The following LIMCH1 variants were observed in gnomAD, a reference collection of about 807,000 sequenced individuals.
LIMCH1 encodes LIM and calponin homology domains-containing protein 1.
LIMCH1 carries 113 observed loss-of-function variants against 176.5 expected under a neutral mutation model. The observed-to-expected ratio is 0.64, with a 90% confidence interval of 0.55 to 0.75. LIMCH1 has a LOEUF of 0.75. LIMCH1 is among the 30% of genes least tolerant of loss of function. The pLI, the probability that LIMCH1 is intolerant of heterozygous loss-of-function variation, is 0.00. For synonymous variants in LIMCH1, 619 were observed against 645.9 expected, an observed-to-expected ratio of 0.96 and a Z score of 0.63; for missense variants, 1,674 against 1,814.9, an observed-to-expected ratio of 0.92 and a Z score of 1.41.
At chr4:41,652,470 A>G (rs1198123806) in intron 18 of LIMCH1, among the ~76,000 whole-genome samples, 1 of 152,164 alleles carries the variant, frequency 6.6e-6, no homozygotes, top group African/African-American at 2.4e-5. Flanking sequence ...CATACGTCTT[A>G]CCTCTGCTAG....
chr4:41,694,282 G>A (rs1728687437), intron 31 of LIMCH1, among the ~76,000 whole-genome samples: 1 of 152,114 alleles, frequency 6.6e-6, no homozygotes, highest in Non-Finnish European at 1.5e-5. Flanking sequence ...TAGAAAAATT[G>A]AATTGTTCAG....
At chr4:41,636,897 A>C (rs1283958498) in intron 13 of LIMCH1, among the ~76,000 whole-genome samples, 1 of 152,226 alleles carries the variant, frequency 6.6e-6, no homozygotes, top group African/African-American at 2.4e-5. Flanking sequence ...GCATATGTTC[A>C]TTTTGTGAAA....
chr4:41,380,867 T>G (rs1046779089), intron 1 of LIMCH1, among the ~76,000 whole-genome samples: 2 of 152,198 alleles, frequency 1.3e-5, no homozygotes, highest in African/African-American at 4.8e-5. Flanking sequence ...AAATAATCAG[T>G]ATTTTATGGC....
chr4:41,602,728 A>G (rs1046083575), intron 2 of LIMCH1, among the ~76,000 whole-genome samples: 31 of 151,878 alleles, frequency 2.0e-4, no homozygotes, highest in Non-Finnish European at 7.4e-5. Context: ...GAATCGCTTG[A>G]ACCTAGGAGG....
intron 20 of LIMCH1, among the ~76,000 whole-genome samples, chr4:41,664,554 C>T (rs1003463764): frequency 2.0e-5 from 3 of 152,184 alleles, no homozygotes; most frequent in Non-Finnish European, 4.4e-5. Flanking sequence ...CAGAATTTCC[C>T]ACCTTTGCAG....
At chr4:41,390,239 GGAGA>G (rs34011822) in intron 1 of LIMCH1, among the ~76,000 whole-genome samples, 6,689 of 138,314 alleles carry the variant, frequency 0.048, 416 homozygotes, top group African/African-American at 0.15. Flanking sequence ...TCTCTCTCAG[GGAGA>G]GAGAGAGAGA....
intron 4 of LIMCH1, among the ~76,000 whole-genome samples, chr4:41,606,473 G>A (rs569650891): frequency 2.2e-4 from 33 of 152,214 alleles, no homozygotes; most frequent in African/African-American, 7.0e-4. Context: ...TGGACAAGGC[G>A]GGATACATTA....
chr4:41,612,468 T>C, intron 4 of LIMCH1: 5 of 695,636 alleles, frequency 7.2e-6, no homozygotes, highest in Non-Finnish European at 1.3e-5. Flanking sequence ...AGTCCTAATT[T>C]TAAGCGACAG....
chr4:41,545,524 A>G (rs1419647581), intron 1 of LIMCH1, among the ~76,000 whole-genome samples: 1 of 152,230 alleles, frequency 6.6e-6, no homozygotes, highest in African/African-American at 2.4e-5. Flanking sequence ...GTGATCAAGC[A>G]GTTACCCTAT....
intron 1 of LIMCH1, among the ~76,000 whole-genome samples, chr4:41,478,097 G>A (rs2068022868): frequency 6.6e-6 from 1 of 152,218 alleles, no homozygotes. Flanking sequence ...GAGCTACTGT[G>A]CAAGTTAAGC....
intron 1 of LIMCH1, among the ~76,000 whole-genome samples, chr4:41,420,138 T>G (rs547759065): frequency 6.6e-6 from 1 of 152,214 alleles, no homozygotes; most frequent in South Asian, 2.1e-4. Context: ...GTTGAGAAAC[T>G]ATGGGAAATA....
intron 1 of LIMCH1, among the ~76,000 whole-genome samples, chr4:41,428,193 G>A (rs938057983): frequency 1.3e-5 from 2 of 152,152 alleles, no homozygotes; most frequent in Admixed American, 6.5e-5. Flanking sequence ...GTATGAGGTC[G>A]TGGTAAAGAA....
chr4:41,642,555 C>G (rs183674798), intron 14 of LIMCH1, among the ~76,000 whole-genome samples: 1 of 151,452 alleles, frequency 6.6e-6, no homozygotes, highest in African/African-American at 2.4e-5. Context: ...TTCTTTCATT[C>G]TTTATTTTAT....
chr4:41,491,700 G>C (rs2071054169), intron 1 of LIMCH1, among the ~76,000 whole-genome samples: 1 of 144,614 alleles, frequency 6.9e-6, no homozygotes, highest in African/African-American at 2.6e-5. Context: ...GGTGGCGATT[G>C]GGCAGAGGTG....
rs144243227 is a variant in LIMCH1, at chr4:41,671,804, A to T, written c.3438+210A>T. Among the ~76,000 whole-genome samples, 1,200 of 151,492 alleles carry T rather than the reference A, an allele frequency of 7.9e-3. 7 individuals carry two copies. Among genetic ancestry groups the T allele is most frequent in the Non-Finnish European group, 0.011 (753 of 67,886 alleles). On this transcript the variant is annotated intron_variant, in intron 22 of 31. Coordinates refer to ENST00000503057, the MANE Select transcript of LIMCH1 (RefSeq NM_001330672.2). ...GGTGAAACACTGTCTCTTACTAAAA[A>T]TACAAAAATTAGGCAGGTGTGGTGG...
intron 1 of LIMCH1, among the ~76,000 whole-genome samples, chr4:41,478,608 A>G (rs372735351): frequency 1.3e-5 from 2 of 152,352 alleles, no homozygotes; most frequent in Admixed American, 6.5e-5. Flanking sequence ...AGAATATCAA[A>G]TAGTGAAATC....
chr4:41,575,513 A>G (rs1180125933), intron 1 of LIMCH1, among the ~76,000 whole-genome samples: 1 of 152,202 alleles, frequency 6.6e-6, no homozygotes, highest in East Asian at 1.9e-4. Flanking sequence ...ATCTTCTGTC[A>G]TGTTTGAGAA....
intron 31 of LIMCH1, 27 bp from the exon 32 acceptor site, chr4:41,697,133 G>A (rs1288582637): frequency 1.2e-6 from 2 of 1,612,830 alleles, no homozygotes; most frequent in Admixed American, 1.7e-5. Flanking sequence ...TACCACTCTT[G>A]TTTGTTGTTG....
chr4:41,441,110 C>G (rs140794225), intron 1 of LIMCH1, among the ~76,000 whole-genome samples: 1 of 152,058 alleles, frequency 6.6e-6, no homozygotes. Context: ...TTTGCTGTGA[C>G]AAGTCAAAAA....
Sources: allele counts gnomAD v4.1 joint callset (sites outside exome capture counted in the v4.1 genomes callset), GRCh38; gene constraint gnomAD v4.1.1; transcripts MANE v1.5; gene names NCBI Gene and HGNC (gene_info 2026-07-23, HGNC 2026-07-21).